The following PSMA8 variants were observed in gnomAD, a reference collection of about 807,000 sequenced individuals.
The protein encoded by PSMA8 is proteasome subunit alpha-type 8.
Under a neutral mutation model 32.4 loss-of-function variants are expected in PSMA8, and 18 were observed. The observed-to-expected ratio is 0.56, with a 90% CI of 0.38 to 0.82. PSMA8 has a LOEUF of 0.82. PSMA8 is among the 40% of genes least tolerant of loss of function. The pLI is 0.00. For synonymous variants in PSMA8, 104 were observed against 98.1 expected (o/e 1.06, Z -0.36); for missense variants, 298 against 300.7 (o/e 0.99, Z 0.07).
chr18:26,190,067 A>G (rs1232283991), intron 6 of PSMA8, among the ~76,000 whole-genome samples: 1 of 152,154 alleles, frequency 6.6e-6, no homozygotes, highest in African/African-American at 2.4e-5. Flanking sequence ...GCATGTTTTT[A>G]CTCATTTGTG....
chr18:26,178,059 C>A (rs530258641), intron 4 of PSMA8, among the ~76,000 whole-genome samples: 1 of 151,694 alleles, frequency 6.6e-6, no homozygotes, highest in Non-Finnish European at 1.5e-5. Flanking sequence ...AAAAAAAATT[C>A]TTTTTTAAAT....
chr18:26,154,325 G>T (rs1481711550), intron 3 of PSMA8, among the ~76,000 whole-genome samples: 1 of 151,622 alleles, frequency 6.6e-6, no homozygotes, highest in Non-Finnish European at 1.5e-5. Context: ...ATTTGTTAAT[G>T]CAGGTTGCAA....
chr18:26,138,386 A>G (rs2144266820), intron 1 of PSMA8, among the ~76,000 whole-genome samples: 1 of 152,302 alleles, frequency 6.6e-6, no homozygotes, highest in African/African-American at 2.4e-5. Context: ...TGTGGGTCCA[A>G]GGTTCCTGGT....
rs1029322951 is a variant in PSMA8, at chr18:26,171,396, C to T, written c.478-7434C>T. On this transcript the variant is annotated intron_variant, in intron 4 of 6. Transcript: ENST00000415576. ...TGACATACCAAGCAGACTAATATAA[C>T]GTGTAATGGGCTTATTTTTAAATGA... 6.2e-6 allele frequency: 7 copies of T among 1,133,644 alleles called. 1 individual carries two copies. The highest frequency in any genetic ancestry group is 3.8e-5 in the African/African-American group (2 of 52,846). 70.2% of individuals were successfully genotyped at this position (1,133,644 alleles called of 1,614,324 possible).
At chr18:26,186,902 A>G (rs966745606) in intron 6 of PSMA8, among the ~76,000 whole-genome samples, 43 of 152,380 alleles carry the variant, frequency 2.8e-4, no homozygotes, top group African/African-American at 1.0e-3. Flanking sequence ...TGAAAGCCAG[A>G]GGTAAACATT....
At chr18:26,148,017 A>G (rs1049122044) in intron 2 of PSMA8, among the ~76,000 whole-genome samples, 1 of 152,180 alleles carries the variant, frequency 6.6e-6, no homozygotes, top group African/African-American at 2.4e-5. Context: ...ACAATAAGAC[A>G]TTGAATGAGT....
intron 4 of PSMA8, among the ~76,000 whole-genome samples, chr18:26,166,223 C>T (rs189066719): frequency 6.6e-6 from 1 of 152,224 alleles, no homozygotes; most frequent in African/African-American, 2.4e-5. Context: ...AAGGATTTGG[C>T]CAAATATGAT....
intron 4 of PSMA8, chr18:26,171,272 T>A: frequency 1.3e-6 from 2 of 1,523,460 alleles, no homozygotes; most frequent in Non-Finnish European, 1.7e-6. Flanking sequence ...CGATGCAGTT[T>A]AGCGAACCAA....
Position 26,192,553 on chromosome 18 carries a change from T to C in PSMA8, c.*142T>C. On this transcript the variant is annotated 3_prime_UTR_variant, in exon 7 of 7. Coordinates refer to ENST00000415576, the MANE Select transcript of PSMA8 (RefSeq NM_001025096.2). ...TGATGTTTTGAGAATGCCAGATCTGTGGCTGTCTTCATTCTATTACATAGT... is the reference window on the plus strand; with the variant it reads ...TGATGTTTTGAGAATGCCAGATCTGCGGCTGTCTTCATTCTATTACATAGT... 2 of 977,524 alleles carry C rather than the reference T, an allele frequency of 2.0e-6. No individual in the cohort carries two copies. The highest frequency in any genetic ancestry group is 4.9e-5 in the South Asian group (2 of 40,776). The allele number at this position is 977,524 out of a possible 1,614,324, so 60.6% of individuals were successfully genotyped here.
intron 6 of PSMA8, among the ~76,000 whole-genome samples, chr18:26,188,218 T>C (rs1274661128): frequency 2.0e-5 from 3 of 151,198 alleles, no homozygotes; most frequent in African/African-American, 7.3e-5. Flanking sequence ...AAGAAAAAAA[T>C]TGAAAATTTT....
chr18:26,140,305 A>G (rs924131315), intron 1 of PSMA8, among the ~76,000 whole-genome samples: 1 of 152,206 alleles, frequency 6.6e-6, no homozygotes, highest in Non-Finnish European at 1.5e-5. Context: ...ACCTGAGTCC[A>G]CAGGAGCAGA....
At chr18:26,184,858 G>A (rs1251277507) in intron 6 of PSMA8, among the ~76,000 whole-genome samples, 2 of 149,122 alleles carry the variant, frequency 1.3e-5, no homozygotes, top group Non-Finnish European at 3.0e-5. Context: ...AGGCCAAGGC[G>A]GGTGGATCAC....
At chr18:26,181,727 C>T (rs190644869) in intron 6 of PSMA8, among the ~76,000 whole-genome samples, 36 of 152,310 alleles carry the variant, frequency 2.4e-4, no homozygotes, top group East Asian at 5.8e-4. Flanking sequence ...CGTGGTGGCA[C>T]GCACCTGGCC....
chr18:26,164,316 G>A (rs1032856128), intron 4 of PSMA8, among the ~76,000 whole-genome samples: 3 of 152,064 alleles, frequency 2.0e-5, no homozygotes, highest in African/African-American at 4.8e-5. Flanking sequence ...AGGGGAGAGG[G>A]ACGATCAAGA....
At chr18:26,172,487 A>G (rs1315916593) in intron 4 of PSMA8, among the ~76,000 whole-genome samples, 2 of 152,236 alleles carry the variant, frequency 1.3e-5, no homozygotes, top group African/African-American at 4.8e-5. Context: ...TCTGACCCCT[A>G]GACTATATAT....
chr18:26,190,572 A>T (rs1598677914), intron 6 of PSMA8, among the ~76,000 whole-genome samples: 1 of 152,276 alleles, frequency 6.6e-6, no homozygotes, highest in South Asian at 2.1e-4. Context: ...AACATGGCGA[A>T]ACCCCGTCTC....
intron 4 of PSMA8, among the ~76,000 whole-genome samples, chr18:26,172,712 G>T (rs1002055713): frequency 1.3e-5 from 2 of 152,074 alleles, no homozygotes; most frequent in African/African-American, 4.8e-5. Flanking sequence ...GCCTCTGTTG[G>T]TCACACATTG....
chr18:26,172,766 G>A (rs544245667), intron 4 of PSMA8, among the ~76,000 whole-genome samples: 4 of 152,222 alleles, frequency 2.6e-5, no homozygotes, highest in East Asian at 3.9e-4. Flanking sequence ...CATGCATTTC[G>A]TGATGGTGCC....
intron 2 of PSMA8, among the ~76,000 whole-genome samples, chr18:26,148,825 C>A (rs560089911): frequency 4.5e-4 from 68 of 152,158 alleles, no homozygotes; most frequent in South Asian, 3.9e-3. Context: ...GACACAAAAT[C>A]AACACCCCGG....
Sources: gnomAD v4.1 joint callset for allele counts (sites outside exome capture counted in the v4.1 genomes callset) on GRCh38, gnomAD v4.1.1 for gene constraint, MANE v1.5 for transcripts, NCBI Gene and HGNC (gene_info 2026-07-23, HGNC 2026-07-21) for gene names.